SLC35F1: variants seen among roughly 807,000 people sequenced by gnomAD.
The protein encoded by SLC35F1 is solute carrier family 35 member F1.
A neutral mutation model predicts 48.7 loss-of-function variants in SLC35F1; 14 were observed. That is an observed-to-expected ratio of 0.29 (90% CI 0.19 to 0.45). The LOEUF is 0.45. SLC35F1 is among the 20% of genes least tolerant of loss of function. SLC35F1 has a pLI of 1.00. For synonymous variants in SLC35F1, 190 were observed against 202.2 expected (o/e 0.94, Z 0.51); for missense variants, 404 against 500.0 (o/e 0.81, Z 1.83).
At chr6:118,010,435 A>G (rs879648454) in intron 1 of SLC35F1, among the ~76,000 whole-genome samples, 19 of 152,216 alleles carry the variant, frequency 1.2e-4, no homozygotes, top group Non-Finnish European at 2.5e-4. Flanking sequence ...GCTGACTAAT[A>G]CATCCTTGAG....
chr6:118,040,422 TAGGAAA>T (rs1772197130), intron 1 of SLC35F1, among the ~76,000 whole-genome samples: 6 of 152,180 alleles, frequency 3.9e-5, no homozygotes, highest in Non-Finnish European at 8.8e-5. Context: ...GGATGGATTA[TAGGAAA>T]ATTACACTGC....
At chr6:118,207,089 G>A (rs1323417554) in intron 2 of SLC35F1, among the ~76,000 whole-genome samples, 1 of 152,004 alleles carries the variant, frequency 6.6e-6, no homozygotes, top group Non-Finnish European at 1.5e-5. Flanking sequence ...GTAGCCTTGA[G>A]GTAAAATAAA....
chr6:117,946,873 A>G (rs1049112875), intron 1 of SLC35F1, among the ~76,000 whole-genome samples: 1 of 152,202 alleles, frequency 6.6e-6, no homozygotes, highest in African/African-American at 2.4e-5. Context: ...GAAAGCTGTT[A>G]ATTTTACTGG....
At chr6:118,280,764 G>C (rs946368515) in intron 6 of SLC35F1, among the ~76,000 whole-genome samples, 1 of 151,808 alleles carries the variant, frequency 6.6e-6, no homozygotes, top group Non-Finnish European at 1.5e-5. Flanking sequence ...TGTAGTCCCA[G>C]CTACTCAGGA....
intron 1 of SLC35F1, among the ~76,000 whole-genome samples, chr6:118,008,953 T>C (rs1227087953): frequency 6.6e-6 from 1 of 152,212 alleles, no homozygotes; most frequent in Non-Finnish European, 1.5e-5. Flanking sequence ...GGTACTATTA[T>C]AATTATTGAA....
At chr6:118,056,055 T>A (rs1449438190) in intron 1 of SLC35F1, among the ~76,000 whole-genome samples, 1 of 152,208 alleles carries the variant, frequency 6.6e-6, no homozygotes, top group African/African-American at 2.4e-5. Flanking sequence ...ACAAGACAGG[T>A]CATTTAAAAC....
chr6:118,155,896 T>G (rs1221134581), intron 2 of SLC35F1, among the ~76,000 whole-genome samples: 2 of 152,208 alleles, frequency 1.3e-5, no homozygotes, highest in African/African-American at 4.8e-5. Flanking sequence ...ATTTTTACAT[T>G]TATTTATTTG....
chr6:118,258,986 T>A (rs970834926), intron 3 of SLC35F1, among the ~76,000 whole-genome samples: 5 of 151,822 alleles, frequency 3.3e-5, no homozygotes, highest in African/African-American at 1.2e-4. Context: ...GAGAAGAAGT[T>A]TTTTTAAAAT....
rs776441371 is a variant in SLC35F1 at position 118,055,312 on chromosome 6, G to A, written c.174-99133G>A. Among the ~76,000 whole-genome samples, 5 of 152,000 alleles carry A rather than the reference G, an allele frequency of 3.3e-5. No homozygotes were observed. In the South Asian group the frequency reaches 8.3e-4, roughly 25 times the overall value. ...GTTGTATTTGGTTTATCAATGACTC[G>A]GTGACTAAATATTTACAATACAGAT... is the stretch of plus-strand genomic sequence containing the variant. On this transcript the variant is annotated intron_variant, in intron 1 of 7. Coordinates refer to ENST00000360388, the MANE Select transcript of SLC35F1 (RefSeq NM_001029858.4).
chr6:118,313,811 C>T (rs561305755), intron 7 of SLC35F1, among the ~76,000 whole-genome samples: 10 of 152,288 alleles, frequency 6.6e-5, no homozygotes, highest in Non-Finnish European at 1.0e-4. Flanking sequence ...CTAAGTGTTC[C>T]TCTGTGTTAG....
At chr6:118,256,026 T>TCAA (rs1775638629) in intron 3 of SLC35F1, among the ~76,000 whole-genome samples, 2 of 152,088 alleles carry the variant, frequency 1.3e-5, no homozygotes, top group African/African-American at 4.8e-5. Flanking sequence ...AAAAAGTTTG[T>TCAA]TCCAGATGAA....
intron 4 of SLC35F1, 137 bp downstream of exon 4, chr6:118,267,291 T>G: frequency 9.9e-7 from 1 of 1,005,034 alleles, no homozygotes; most frequent in Non-Finnish European, 1.5e-6. Flanking sequence ...TTCATGTCTG[T>G]TCCCCACACC....
At chr6:118,132,728 A>T (rs1773733173) in intron 1 of SLC35F1, among the ~76,000 whole-genome samples, 1 of 152,210 alleles carries the variant, frequency 6.6e-6, no homozygotes, top group South Asian at 2.1e-4. Flanking sequence ...ATATTTTCCC[A>T]TAGGGAATGA....
intron 1 of SLC35F1, among the ~76,000 whole-genome samples, chr6:117,956,517 G>A (rs1396725059): frequency 2.0e-5 from 3 of 152,178 alleles, no homozygotes; most frequent in East Asian, 1.9e-4. Flanking sequence ...TAGGCAACGC[G>A]GGGACAGTGC....
rs545252893 is a variant in SLC35F1 at position 118,115,874 on chromosome 6, G to T, written c.174-38571G>T. Among the ~76,000 whole-genome samples the T allele has an allele frequency of 1.1e-4, 16 of 152,240 alleles. No homozygotes were observed. In the South Asian group the frequency reaches 2.7e-3, roughly 26 times the overall value. On this transcript the variant is annotated intron_variant, in intron 1 of 7. Coordinates refer to ENST00000360388, the MANE Select transcript of SLC35F1 (RefSeq NM_001029858.4). ...CATATCCAATATACATTTGGCTAAAGTTAGAAAAAGCGTTAATGTTAAAAA... is the reference window on the plus strand; with the variant it reads ...CATATCCAATATACATTTGGCTAAATTTAGAAAAAGCGTTAATGTTAAAAA...
chr6:118,181,387 ATTAACT>A (rs1774576574), intron 2 of SLC35F1, among the ~76,000 whole-genome samples: 1 of 152,112 alleles, frequency 6.6e-6, no homozygotes, highest in Non-Finnish European at 1.5e-5. Flanking sequence ...GGAGGGTAAA[ATTAACT>A]TTAAACACTG....
Position 118,265,832 on chromosome 6 carries a change from T to A in SLC35F1, c.478-1163T>A, listed in dbSNP as rs61458307. The stretch of plus-strand genomic sequence containing the variant: ...AATTCCAGCAAGGAGATATACTGGA[T>A]GGTTGGACAAATCATAAGTTCCTCA... On this transcript the variant is annotated intron_variant, in intron 3 of 7. Coordinates refer to ENST00000360388, the MANE Select transcript of SLC35F1 (RefSeq NM_001029858.4). 9.9e-3 allele frequency among the ~76,000 whole-genome samples: 1,513 copies of A among 152,292 alleles called. 26 individuals are homozygous for A. Among genetic ancestry groups the A allele is most frequent in the African/African-American group, 0.035 (1,439 of 41,538 alleles).
At chr6:117,939,904 G>A (rs1776207609) in intron 1 of SLC35F1, among the ~76,000 whole-genome samples, 1 of 152,126 alleles carries the variant, frequency 6.6e-6, no homozygotes, top group Admixed American at 6.5e-5. Flanking sequence ...CTTTTCCTCA[G>A]GTCCTATAGC....
intron 1 of SLC35F1, among the ~76,000 whole-genome samples, chr6:117,938,258 A>G (rs576062717): frequency 4.6e-5 from 7 of 152,192 alleles, no homozygotes; most frequent in Non-Finnish European, 1.0e-4. Context: ...GAGAAATGTA[A>G]CATATAAGTA....
Sources: allele counts gnomAD v4.1 joint callset (sites outside exome capture counted in the v4.1 genomes callset), GRCh38; gene constraint gnomAD v4.1.1; transcripts MANE v1.5; gene names NCBI Gene and HGNC (gene_info 2026-07-23, HGNC 2026-07-21).